MAP4K3: variants seen among roughly 807,000 people sequenced by gnomAD.
MAP4K3 encodes the protein MAPK/ERK kinase kinase kinase 3.
In MAP4K3, 94 loss-of-function variants were observed where a neutral mutation model predicts 143.5. The observed-to-expected ratio is 0.65, with a 90% CI of 0.55 to 0.78. MAP4K3 has a LOEUF of 0.78. Ranked by LOEUF, MAP4K3 falls within the 30% of genes least tolerant of loss-of-function variation. The probability of loss-of-function intolerance (pLI) is 0.00; values close to 1 mark genes in which losing one functional copy is unlikely to be tolerated. For missense variants in MAP4K3, 1,077 were observed against 1,068.1 expected (o/e 1.01, Z -0.12); for synonymous variants, 416 against 347.2 (o/e 1.20, Z -2.20).
intron 1 of MAP4K3, among the ~76,000 whole-genome samples, chr2:39,395,321 GTACACA>G (rs963919416): frequency 2.4e-4 from 19 of 78,434 alleles, no homozygotes; most frequent in African/African-American, 9.2e-4. Flanking sequence ...CTACATGCAC[GTACACA>G]TACACACACA....
intron 1 of MAP4K3, among the ~76,000 whole-genome samples, chr2:39,396,965 G>A (rs1666825891): frequency 6.6e-6 from 1 of 152,130 alleles, no homozygotes; most frequent in African/African-American, 2.4e-5. Context: ...TTAGTAGTAT[G>A]TACTGACTAT....
chr2:39,433,752 A>C (rs1293854012), intron 1 of MAP4K3, among the ~76,000 whole-genome samples: 2 of 152,226 alleles, frequency 1.3e-5, no homozygotes, highest in Non-Finnish European at 2.9e-5. Context: ...CCCAAGCTGC[A>C]GGCACTTCAT....
chr2:39,425,023 C>G (rs1470908600), intron 1 of MAP4K3, among the ~76,000 whole-genome samples: 1 of 151,752 alleles, frequency 6.6e-6, no homozygotes, highest in Admixed American at 6.6e-5. Context: ...AATAAAAATC[C>G]AAGACCAAAA....
chr2:39,368,151 T>C (rs533476992), intron 2 of MAP4K3, among the ~76,000 whole-genome samples: 1 of 152,248 alleles, frequency 6.6e-6, no homozygotes, highest in African/African-American at 2.4e-5. Flanking sequence ...GAAAATCCTC[T>C]GGAGTATATC....
chr2:39,366,208 T>C (rs575166638), intron 2 of MAP4K3, among the ~76,000 whole-genome samples: 1 of 120,318 alleles, frequency 8.3e-6, no homozygotes, highest in Admixed American at 1.2e-4. Context: ...GAGGCATCAA[T>C]CAAATACATT....
At chr2:39,272,069 CAG>C (rs759353891) in intron 26 of MAP4K3, 32 of 380,412 alleles carry the variant, frequency 8.4e-5, no homozygotes, top group African/African-American at 1.2e-4. Context: ...ATAAAAAATT[CAG>C]AGAGAAAATG....
Position 39,408,080 on chromosome 2 carries a change from A to G in MAP4K3, c.96+28812T>C, listed in dbSNP as rs1450123017. Among the ~76,000 whole-genome samples the G allele has an allele frequency of 4.6e-5, 7 of 152,154 alleles. No homozygotes were observed. In the East Asian group the frequency reaches 1.3e-3, roughly 29 times the overall value. The stretch of plus-strand genomic sequence containing the variant: ...CTTTTAACCCTTGAGCCTTAAAGGG[A>G]AAAAATAAACACCAGCTGCCAGTCT... On this transcript the variant is annotated intron_variant, in intron 1 of 33. Coordinates refer to ENST00000263881, the MANE Select transcript of MAP4K3 (RefSeq NM_003618.4).
chr2:39,285,228 A>T (rs986924498), intron 21 of MAP4K3, among the ~76,000 whole-genome samples: 1 of 152,212 alleles, frequency 6.6e-6, no homozygotes, highest in Non-Finnish European at 1.5e-5. Context: ...ATGCTTCAAT[A>T]TATCACTGAT....
chr2:39,369,399 G>T (rs1291570615), intron 2 of MAP4K3, among the ~76,000 whole-genome samples: 1 of 151,582 alleles, frequency 6.6e-6, no homozygotes, highest in East Asian at 1.9e-4. Flanking sequence ...TGCCCGCCTC[G>T]GCCTCCCAAA....
At chr2:39,337,118 C>A (rs1421894864) in intron 5 of MAP4K3, 151 bp from the exon 6 acceptor site, 7 of 442,624 alleles carry the variant, frequency 1.6e-5, no homozygotes, top group South Asian at 8.0e-5. Context: ...AATGAGATAT[C>A]CTAAAAAAAG....
Position 39,400,675 on chromosome 2 carries a change from T to C in MAP4K3, c.97-22552A>G, listed in dbSNP as rs1458059502. On this transcript the variant is annotated intron_variant, in intron 1 of 33. Coordinates refer to ENST00000263881, the MANE Select transcript of MAP4K3 (RefSeq NM_003618.4). ...TAAGTGAATTTATTATTATAAATTATGACTGGAAGTCCTGCTTTATTTATA... is the reference window on the plus strand; with the variant it reads ...TAAGTGAATTTATTATTATAAATTACGACTGGAAGTCCTGCTTTATTTATA... 2.0e-5 allele frequency among the ~76,000 whole-genome samples: 3 copies of C among 152,040 alleles called. No individual in the cohort carries two copies. In the East Asian group the frequency reaches 5.8e-4, roughly 29 times the overall value.
At chr2:39,256,677 G>A (rs906585207) in intron 31 of MAP4K3, among the ~76,000 whole-genome samples, 2 of 151,970 alleles carry the variant, frequency 1.3e-5, no homozygotes, top group African/African-American at 4.8e-5. Context: ...TATAATTTTT[G>A]TTTTCTGTAC....
intron 1 of MAP4K3, chr2:39,436,527 CCCCTGCTGTCCGGTTCGTCGCGCTGA>C: frequency 4.3e-6 from 1 of 232,240 alleles, no homozygotes; most frequent in Non-Finnish European, 8.6e-6. Context: ...CAACACCAGA[CCCCTGCTGTCCGGTTCGTCGCGCTGA>C]CCCTGCCAAC....
intron 1 of MAP4K3, 136 bp downstream of exon 1, chr2:39,436,756 G>A (rs1665498313): frequency 1.4e-6 from 1 of 699,118 alleles, no homozygotes; most frequent in Non-Finnish European, 2.5e-6. Flanking sequence ...AGAGCCCTTG[G>A]CGTCCGCAGC....
At chr2:39,423,566 G>T (rs1005736623) in intron 1 of MAP4K3, among the ~76,000 whole-genome samples, 1 of 152,166 alleles carries the variant, frequency 6.6e-6, no homozygotes, top group Non-Finnish European at 1.5e-5. Context: ...AACATACAAT[G>T]AGATATTATT....
intron 24 of MAP4K3, among the ~76,000 whole-genome samples, chr2:39,273,701 T>A (rs17446690): frequency 0.033 from 5,008 of 152,354 alleles, 121 homozygotes; most frequent in South Asian, 0.054. Flanking sequence ...TGGGAAAATG[T>A]ACTTACATAA....
At chr2:39,297,755 A>G (rs981228401) in intron 16 of MAP4K3, among the ~76,000 whole-genome samples, 1 of 152,184 alleles carries the variant, frequency 6.6e-6, no homozygotes. Flanking sequence ...CTCATGTCAC[A>G]TGTATGTCTA....
At chr2:39,358,767 C>G (rs192217143) in intron 2 of MAP4K3, among the ~76,000 whole-genome samples, 1 of 152,294 alleles carries the variant, frequency 6.6e-6, no homozygotes, top group African/African-American at 2.4e-5. Flanking sequence ...GTTCAAGGCT[C>G]ATGAGAAATA....
rs201192538 is a variant in MAP4K3, at chr2:39,381,184, C to G, written c.97-3061G>C. Among the ~76,000 whole-genome samples the G allele has an allele frequency of 1.1e-4, 16 of 152,222 alleles. 1 individual carries two copies. In the East Asian group the frequency reaches 3.1e-3, roughly 29 times the overall value. ...AATAGTATTCCATTGTATGGAAATACCATATTTGGGCTGTTTCTACTTTTT... is the reference window on the plus strand; with the variant it reads ...AATAGTATTCCATTGTATGGAAATAGCATATTTGGGCTGTTTCTACTTTTT... On this transcript the variant is annotated intron_variant, in intron 1 of 33. Transcript: ENST00000263881.
Sources: gnomAD v4.1 joint callset for allele counts (sites outside exome capture counted in the v4.1 genomes callset) on GRCh38, gnomAD v4.1.1 for gene constraint, MANE v1.5 for transcripts, NCBI Gene and HGNC (gene_info 2026-07-23, HGNC 2026-07-21) for gene names.